PPFIA1: variants seen among roughly 807,000 people sequenced by gnomAD.
PPFIA1 encodes the protein PPFI scaffold protein A1.
A neutral mutation model predicts 149.9 loss-of-function variants in PPFIA1; 25 were observed. The ratio of observed to expected loss-of-function variants is 0.17; its 90% CI spans 0.12 to 0.23. PPFIA1 has a LOEUF of 0.23. PPFIA1 is among the 10% of genes least tolerant of loss of function. PPFIA1 has a pLI of 1.00. For missense variants in PPFIA1, 1,362 were observed against 1,506.5 expected, an observed-to-expected ratio of 0.90 and a Z score of 1.59; for synonymous variants, 549 against 552.8, an observed-to-expected ratio of 0.99 and a Z score of 0.10.
Position 70,339,178 on chromosome 11 carries a change from C to T in PPFIA1, c.1579C>T (p.His527Tyr). The T allele has an allele frequency of 6.2e-7, 1 of 1,613,966 alleles. No homozygotes were observed. The highest frequency in any genetic ancestry group is 1.1e-5 in the South Asian group (1 of 91,082). ...RGASLHHGRP[H>Y]LGSVPDFRFP... ...TTATTTTTCATGTTTCAGCCGACCC[C>T]ACTTGGGCAGTGTCCCAGATTTCAG... is the stretch of plus-strand genomic sequence containing the variant. The change falls in exon 14 of 28, where the codon CAC becomes TAC. Residue 527 changes from histidine (H) to tyrosine (Y), a missense_variant. Around this residue, in one of 7 missense-constraint regions of PPFIA1, gnomAD observed 733 missense variants for 744.1 expected, o/e 0.99. Transcript: ENST00000253925.
intron 3 of PPFIA1, 152 bp from the exon 4 acceptor site, chr11:70,324,695 A>T (rs141287921): frequency 1.1e-6 from 1 of 912,780 alleles, no homozygotes; most frequent in African/African-American, 1.7e-5. Context: ...AGAATTTATG[A>T]TATTTTAATA....
Position 70,364,913 on chromosome 11 carries a change from ACTG to A in PPFIA1, c.2865+2428_2865+2430del, listed in dbSNP as rs1445537926. The A allele has an allele frequency of 2.0e-5, 3 of 153,824 alleles. No homozygotes were observed. In the East Asian group the frequency reaches 5.8e-4, roughly 30 times the overall value. The allele number at this position is 153,824 out of a possible 1,614,324, so 9.5% of individuals were successfully genotyped here. A position where few individuals can be genotyped will look rare whatever the true frequency, so the allele number is the denominator to read the frequency against. ...CTGATGGCTGCACAGAGCCATCGACACTGCTTAGCAGTGACCCCCTCTGCCCTG... is the reference window on the plus strand; with the variant it reads ...CTGATGGCTGCACAGAGCCATCGACACTTAGCAGTGACCCCCTCTGCCCTG... On this transcript the variant is annotated intron_variant, in intron 21 of 27. Coordinates refer to ENST00000253925, the MANE Select transcript of PPFIA1 (RefSeq NM_003626.5).
At chr11:70,277,308 C>G (rs987962314) in intron 2 of PPFIA1, among the ~76,000 whole-genome samples, 1 of 151,750 alleles carries the variant, frequency 6.6e-6, no homozygotes, top group Non-Finnish European at 1.5e-5. Context: ...AGCCACTACA[C>G]GCTTTTAGCT....
chr11:70,337,304 C>A, intron 11 of PPFIA1, 61 bp from the exon 12 acceptor site: 1 of 1,149,418 alleles, frequency 8.7e-7, no homozygotes, highest in Non-Finnish European at 1.2e-6. Context: ...CGAATACAGC[C>A]ATGCTATATT....
intron 7 of PPFIA1, among the ~76,000 whole-genome samples, chr11:70,327,369 CAA>C (rs2054367469): frequency 6.6e-6 from 1 of 152,162 alleles, no homozygotes; most frequent in Admixed American, 6.5e-5. Flanking sequence ...GTCAAACAAT[CAA>C]GAGTGGAATT....
chr11:70,346,953 C>T (rs543840353), intron 15 of PPFIA1, among the ~76,000 whole-genome samples: 3 of 152,152 alleles, frequency 2.0e-5, no homozygotes, highest in South Asian at 4.2e-4. Flanking sequence ...GAGAGAGGAG[C>T]GTTAATCTTG....
intron 19 of PPFIA1, 72 bp from the exon 20 acceptor site, chr11:70,362,023 A>C: frequency 7.1e-7 from 1 of 1,412,878 alleles, no homozygotes; most frequent in Non-Finnish European, 1.0e-6. Context: ...GGCCTCCCAG[A>C]GAGCTGGGAT....
chr11:70,280,681 C>G (rs975137170), intron 2 of PPFIA1, among the ~76,000 whole-genome samples: 2 of 152,188 alleles, frequency 1.3e-5, no homozygotes, highest in Non-Finnish European at 2.9e-5. Context: ...AATCCTTCTG[C>G]CTCAGCCTTC....
At chr11:70,372,810 C>T (rs2057328054) in intron 23 of PPFIA1, among the ~76,000 whole-genome samples, 1 of 152,238 alleles carries the variant, frequency 6.6e-6, no homozygotes, top group Admixed American at 6.5e-5. Flanking sequence ...GGTTAAATGT[C>T]TCCGGCTAGT....
chr11:70,325,608 G>C (rs1444439143), intron 5 of PPFIA1, 34 bp downstream of exon 5: 15 of 1,445,922 alleles, frequency 1.0e-5, no homozygotes, highest in Non-Finnish European at 1.3e-5. Context: ...GTTGAATTGG[G>C]GGGGGGTTAT....
At chr11:70,289,613 C>G (rs2051389312) in intron 2 of PPFIA1, among the ~76,000 whole-genome samples, 2 of 152,112 alleles carry the variant, frequency 1.3e-5, no homozygotes, top group South Asian at 2.1e-4. Context: ...GTAACATAAC[C>G]AAAGTAATTA....
chr11:70,360,172 C>T (rs1197420403), intron 19 of PPFIA1, among the ~76,000 whole-genome samples: 1 of 152,266 alleles, frequency 6.6e-6, no homozygotes, highest in South Asian at 2.1e-4. Context: ...ACTGTCTTAA[C>T]ACTGTTTCCA....
intron 7 of PPFIA1, chr11:70,327,477 A>G (rs572817387): frequency 6.6e-6 from 1 of 152,468 alleles, no homozygotes; most frequent in African/African-American, 2.4e-5. Flanking sequence ...GTGAGAAACT[A>G]TTTGATCATG....
chr11:70,323,230 C>T (rs560591833), intron 2 of PPFIA1, among the ~76,000 whole-genome samples: 511 of 152,298 alleles, frequency 3.4e-3, no homozygotes, highest in African/African-American at 0.012. Flanking sequence ...AGTGCCCTAA[C>T]ATTTAAAGAG....
intron 21 of PPFIA1, chr11:70,365,178 T>C (rs955199176): frequency 4.2e-6 from 1 of 238,412 alleles, no homozygotes; most frequent in Non-Finnish European, 8.6e-6. Flanking sequence ...CGTGTGCTCT[T>C]CTCCTGATGG....
intron 2 of PPFIA1, among the ~76,000 whole-genome samples, chr11:70,296,769 G>A (rs1211493166): frequency 3.1e-5 from 4 of 129,038 alleles, no homozygotes; most frequent in Non-Finnish European, 5.0e-5. Flanking sequence ...GAGGGGGAGG[G>A]AGGGAGAGGG....
intron 27 of PPFIA1, among the ~76,000 whole-genome samples, chr11:70,382,416 A>C (rs933194140): frequency 1.3e-5 from 2 of 151,902 alleles, no homozygotes; most frequent in Admixed American, 1.3e-4. Context: ...GAAAATGCTG[A>C]CTCATTTTAA....
chr11:70,271,164 G>T (rs1050678115), intron 1 of PPFIA1: 1 of 152,136 alleles, frequency 6.6e-6, no homozygotes, highest in South Asian at 2.1e-4. Context: ...CGGGCGCTGG[G>T]GCGAGGGGCG....
intron 2 of PPFIA1, among the ~76,000 whole-genome samples, chr11:70,308,621 G>A (rs2053039364): frequency 6.6e-6 from 1 of 152,114 alleles, no homozygotes; most frequent in Non-Finnish European, 1.5e-5. Flanking sequence ...ACTCTTAAGT[G>A]AATATTCTTT....
Sources: gnomAD v4.1 joint callset for allele counts (sites outside exome capture counted in the v4.1 genomes callset) on GRCh38, gnomAD v4.1.1 for gene constraint, gnomAD v4.1.1 regional missense constraint, MANE v1.5 for transcripts, NCBI Gene and HGNC (gene_info 2026-07-23, HGNC 2026-07-21) for gene names.